Variants in HECW1 observed in about 807,000 individuals in gnomAD.
HECW1 encodes the protein E3 ubiquitin-protein ligase HECW1.
In HECW1, 61 loss-of-function variants were observed where a neutral mutation model predicts 182.3. The observed-to-expected ratio is 0.33, with a 90% CI of 0.27 to 0.41. The LOEUF (loss-of-function observed/expected upper bound fraction) is 0.41, where lower values mean the gene tolerates loss of function less well. Ranked by LOEUF, HECW1 falls within the 10% of genes least tolerant of loss-of-function variation. The pLI is 1.00. For synonymous variants in HECW1, 859 were observed against 832.6 expected (o/e 1.03, Z -0.55); for missense variants, 1,739 against 2,108.9 (o/e 0.82, Z 3.44).
At chr7:43,375,859 C>T (rs11761948) in intron 6 of HECW1, among the ~76,000 whole-genome samples, 17,191 of 143,490 alleles carry the variant, frequency 0.12, 1,207 homozygotes, top group Middle Eastern at 0.28. Flanking sequence ...AACCATTGTA[C>T]TCCAGCCTGG....
At chr7:43,305,756 G>A (rs985555529) in intron 3 of HECW1, among the ~76,000 whole-genome samples, 9 of 150,702 alleles carry the variant, frequency 6.0e-5, no homozygotes, top group African/African-American at 9.8e-5. Context: ...CCGTCACCAC[G>A]CCCAGCTAAT....
At chr7:43,276,398 A>T (rs1236622989) in intron 3 of HECW1, among the ~76,000 whole-genome samples, 1 of 152,300 alleles carries the variant, frequency 6.6e-6, no homozygotes, top group African/African-American at 2.4e-5. Context: ...TTTTAAAAGG[A>T]TAAGTTTCTC....
intron 5 of HECW1, among the ~76,000 whole-genome samples, chr7:43,328,172 A>G (rs920991928): frequency 1.3e-5 from 2 of 152,018 alleles, no homozygotes; most frequent in Non-Finnish European, 2.9e-5. Flanking sequence ...TAAAAATTTA[A>G]AAATGTTAGC....
chr7:43,179,518 C>A (rs996413774), intron 2 of HECW1, among the ~76,000 whole-genome samples: 1 of 152,028 alleles, frequency 6.6e-6, no homozygotes, highest in South Asian at 2.1e-4. Context: ...AAAAGAAATA[C>A]CATTGGTTAT....
intron 7 of HECW1, among the ~76,000 whole-genome samples, chr7:43,403,565 T>C (rs1434848314): frequency 2.0e-5 from 3 of 152,216 alleles, no homozygotes; most frequent in Non-Finnish European, 2.9e-5. Flanking sequence ...AAAGAGCTTT[T>C]CTTTTATCTA....
chr7:43,537,466 T>A, intron 24 of HECW1, among the ~76,000 whole-genome samples: 1 of 152,198 alleles, frequency 6.6e-6, no homozygotes, highest in East Asian at 1.9e-4. Flanking sequence ...GCTAATGTAA[T>A]CAACTTCCCC....
At chr7:43,467,610 G>A (rs1048353761) in intron 15 of HECW1, among the ~76,000 whole-genome samples, 7 of 152,058 alleles carry the variant, frequency 4.6e-5, no homozygotes, top group African/African-American at 1.7e-4. Context: ...CTGAGCTGAG[G>A]GGGTTAAGAC....
chr7:43,550,649 C>G (rs2081781379), intron 27 of HECW1, 58 bp downstream of exon 27: 3 of 1,514,678 alleles, frequency 2.0e-6, no homozygotes, highest in Admixed American at 2.0e-5. Context: ...TTCACGGGGC[C>G]TCATCCTCCA....
At chr7:43,434,922 T>C (rs2076663088) in intron 8 of HECW1, among the ~76,000 whole-genome samples, 1 of 152,210 alleles carries the variant, frequency 6.6e-6, no homozygotes, top group Non-Finnish European at 1.5e-5. Flanking sequence ...GTGTTCATTA[T>C]AGAAAGTGTG....
At chr7:43,308,681 G>A (rs1584422791) in intron 3 of HECW1, among the ~76,000 whole-genome samples, 3 of 151,636 alleles carry the variant, frequency 2.0e-5, no homozygotes, top group East Asian at 3.9e-4. Context: ...GAGTGCAGTG[G>A]CACAATCTTG....
At chr7:43,263,898 A>G (rs1801454445) in intron 3 of HECW1, among the ~76,000 whole-genome samples, 1 of 152,206 alleles carries the variant, frequency 6.6e-6, no homozygotes, top group Non-Finnish European at 1.5e-5. Context: ...TACCATTCAC[A>G]AATCACAAAG....
intron 8 of HECW1, among the ~76,000 whole-genome samples, chr7:43,408,990 T>A (rs991674875): frequency 1.3e-5 from 2 of 152,218 alleles, no homozygotes; most frequent in African/African-American, 4.8e-5. Flanking sequence ...AGGAACTTGC[T>A]TTGGAGAGGA....
At chr7:43,409,949 C>G (rs2075743196) in intron 8 of HECW1, among the ~76,000 whole-genome samples, 1 of 152,172 alleles carries the variant, frequency 6.6e-6, no homozygotes, top group African/African-American at 2.4e-5. Flanking sequence ...AAGGGAAAGT[C>G]TGGCTGGCTC....
intron 24 of HECW1, among the ~76,000 whole-genome samples, chr7:43,531,091 G>T (rs777984319): frequency 9.9e-5 from 15 of 152,148 alleles, no homozygotes; most frequent in Admixed American, 3.9e-4. Context: ...ATCATGAATT[G>T]CACGCTGTTC....
chr7:43,416,384 G>A, intron 8 of HECW1, among the ~76,000 whole-genome samples: 1 of 151,138 alleles, frequency 6.6e-6, no homozygotes, highest in Non-Finnish European at 1.5e-5. Context: ...CAGTCTGCCG[G>A]TTCTCAGATC....
chr7:43,112,947 C>A lies in HECW1; in HGVS notation c.-267+10C>A, dbSNP rs182682205. On this transcript the variant is annotated intron_variant, in intron 1 of 29. Transcript: ENST00000395891. ...GGCCAGGGCTGCCAAGGTAAGCGGG[C>A]GTAGCGCGGGGACACTGTCTGCCGC... 4.4e-4 allele frequency: 94 copies of A among 211,780 alleles called. 1 individual carries two copies. Among genetic ancestry groups the A allele is most frequent in the African/African-American group, 2.1e-3 (91 of 44,188 alleles). 13.1% of individuals were successfully genotyped at this position (211,780 alleles called of 1,614,324 possible). A position where few individuals can be genotyped will look rare whatever the true frequency, so the allele number is the denominator to read the frequency against.
Position 43,393,184 on chromosome 7 carries a change from A to AG in HECW1, c.556-3623dup, listed in dbSNP as rs371669920. ...AAACTGCCAGAGCTTCAACAGAGAG[A>AG]GGGGGGGCAACAGGACCCAGCACCA... On this transcript the variant is annotated intron_variant, in intron 6 of 29. Coordinates refer to ENST00000395891, the MANE Select transcript of HECW1 (RefSeq NM_015052.5). 4.2e-4 allele frequency among the ~76,000 whole-genome samples: 64 copies of AG among 152,030 alleles called. No homozygotes were observed. The South Asian group carries it at 6.7e-3, about 16-fold the overall frequency.
At chr7:43,511,420 A>C (rs1219668868) in intron 24 of HECW1, 1 of 152,232 alleles carries the variant, frequency 6.6e-6, no homozygotes, top group Non-Finnish European at 1.5e-5. Context: ...TGCGACTCTG[A>C]ATGCCTCAGT....
intron 5 of HECW1, among the ~76,000 whole-genome samples, chr7:43,338,879 T>A (rs1812621033): frequency 6.6e-6 from 1 of 152,186 alleles, no homozygotes; most frequent in Non-Finnish European, 1.5e-5. Flanking sequence ...CCACTGGAGA[T>A]AAATAGTCTC....
Sources: allele counts gnomAD v4.1 joint callset (sites outside exome capture counted in the v4.1 genomes callset), GRCh38; gene constraint gnomAD v4.1.1; transcripts MANE v1.5; gene names NCBI Gene and HGNC (gene_info 2026-07-23, HGNC 2026-07-21).